SLC35F3: variants seen among roughly 807,000 people sequenced by gnomAD.
The protein encoded by SLC35F3 is solute carrier family 35 member F3.
SLC35F3 carries 25 observed loss-of-function variants against 49.9 expected under a neutral mutation model. The observed-to-expected ratio is 0.50, with a 90% CI of 0.37 to 0.70. The LOEUF (loss-of-function observed/expected upper bound fraction) is 0.70. Among genes scored for constraint, SLC35F3 ranks in the 30% least tolerant of loss-of-function variants. SLC35F3 has a pLI of 0.00. For missense variants in SLC35F3, 525 were observed against 639.8 expected, an observed-to-expected ratio of 0.82 and a Z score of 1.94; for synonymous variants, 275 against 265.4, an observed-to-expected ratio of 1.04 and a Z score of -0.35.
chr1:234,178,551 G>A (rs959422622), intron 2 of SLC35F3, among the ~76,000 whole-genome samples: 4 of 151,466 alleles, frequency 2.6e-5, no homozygotes, highest in South Asian at 2.1e-4. Context: ...TCCCATACCC[G>A]CACAGCCTGC....
chr1:233,919,623 A>G (rs1318676113), intron 2 of SLC35F3, among the ~76,000 whole-genome samples: 1 of 152,058 alleles, frequency 6.6e-6, no homozygotes, highest in African/African-American at 2.4e-5. Context: ...TTTTTAAAGG[A>G]CTCATTGGCC....
At chr1:234,188,624 T>C (rs1666683179) in intron 2 of SLC35F3, among the ~76,000 whole-genome samples, 1 of 152,098 alleles carries the variant, frequency 6.6e-6, no homozygotes, top group Non-Finnish European at 1.5e-5. Flanking sequence ...CCCTGGTAGC[T>C]GAAAACAAAG....
intron 2 of SLC35F3, among the ~76,000 whole-genome samples, chr1:233,938,199 G>A (rs1303023621): frequency 6.6e-6 from 1 of 152,182 alleles, no homozygotes; most frequent in Admixed American, 6.5e-5. Context: ...AAGTGGGCAT[G>A]ATGTGGGGGC....
chr1:234,022,610 G>A (rs184413727), intron 2 of SLC35F3, among the ~76,000 whole-genome samples: 52 of 152,266 alleles, frequency 3.4e-4, no homozygotes, highest in Non-Finnish European at 5.7e-4. Context: ...ACTGGTGTTT[G>A]ACCAAACAAC....
intron 3 of SLC35F3, among the ~76,000 whole-genome samples, chr1:234,278,515 A>G (rs551979459): frequency 1.3e-5 from 2 of 151,890 alleles, no homozygotes; most frequent in African/African-American, 4.8e-5. Context: ...ACGAAAAAAA[A>G]AGAGAAAAAA....
intron 2 of SLC35F3, among the ~76,000 whole-genome samples, chr1:233,940,145 T>C (rs894992102): frequency 6.6e-6 from 1 of 152,148 alleles, no homozygotes; most frequent in African/African-American, 2.4e-5. Context: ...CTGCACTTTG[T>C]TCTGCGGTTT....
chr1:234,195,569 T>A lies in SLC35F3; in HGVS notation c.284-35848T>A, dbSNP rs375341681. 3.3e-5 allele frequency among the ~76,000 whole-genome samples: 5 copies of A among 152,302 alleles called. No homozygotes were observed. In the South Asian group the frequency reaches 1.0e-3, roughly 32 times the overall value. Reference sequence around the variant, plus strand: ...GACTGGAAGGCCCTTCTCCCCACTCTTTAAAAGATTAGCTTATCTTCCTTT... The same window carrying A: ...GACTGGAAGGCCCTTCTCCCCACTCATTAAAAGATTAGCTTATCTTCCTTT... On this transcript the variant is annotated intron_variant, in intron 2 of 7. Coordinates refer to ENST00000366618, the MANE Select transcript of SLC35F3 (RefSeq NM_173508.4).
At chr1:234,154,615 C>G (rs1207912232) in intron 2 of SLC35F3, among the ~76,000 whole-genome samples, 1 of 152,168 alleles carries the variant, frequency 6.6e-6, no homozygotes, top group East Asian at 1.9e-4. Flanking sequence ...AATTTGATGT[C>G]TGGCATTCTC....
chr1:234,224,052 TTTTGTTTGTTTG>T (rs57014018), intron 2 of SLC35F3, among the ~76,000 whole-genome samples: 1 of 150,280 alleles, frequency 6.7e-6, no homozygotes, highest in Non-Finnish European at 1.5e-5. Context: ...TTTTTCGGTT[TTTTGTTTGTTTG>T]TTTGTTTGTT....
intron 2 of SLC35F3, among the ~76,000 whole-genome samples, chr1:234,149,182 CCT>C (rs2102907626): frequency 6.6e-6 from 1 of 152,182 alleles, no homozygotes; most frequent in African/African-American, 2.4e-5. Flanking sequence ...CACAGGGTTC[CCT>C]CTCTGCTGTT....
chr1:234,227,559 C>T (rs1036237154), intron 2 of SLC35F3, among the ~76,000 whole-genome samples: 5 of 151,950 alleles, frequency 3.3e-5, no homozygotes, highest in Non-Finnish European at 5.9e-5. Context: ...CCACCACGCC[C>T]GGCTAATTTT....
At chr1:234,058,330 T>TA (rs1664486981) in intron 2 of SLC35F3, among the ~76,000 whole-genome samples, 1 of 118,956 alleles carries the variant, frequency 8.4e-6, no homozygotes, top group South Asian at 2.9e-4. Context: ...GTTCCTGAAT[T>TA]TTTTTTTTTT....
At chr1:234,187,840 G>A (rs373092025) in intron 2 of SLC35F3, among the ~76,000 whole-genome samples, 1 of 152,190 alleles carries the variant, frequency 6.6e-6, no homozygotes, top group African/African-American at 2.4e-5. Context: ...AAGACTACAG[G>A]GAGAAGGAAA....
At chr1:234,269,297 A>T (rs1339630068) in intron 3 of SLC35F3, among the ~76,000 whole-genome samples, 4 of 152,198 alleles carry the variant, frequency 2.6e-5, no homozygotes, top group African/African-American at 9.7e-5. Context: ...TTATCAAACC[A>T]TGATTACTGA....
intron 2 of SLC35F3, among the ~76,000 whole-genome samples, chr1:234,141,726 C>T (rs1026793611): frequency 2.0e-5 from 3 of 152,174 alleles, no homozygotes; most frequent in African/African-American, 4.8e-5. Flanking sequence ...TTCTGCCCAT[C>T]GGACCACTTG....
At chr1:234,051,724 CA>C (rs1397569943) in intron 2 of SLC35F3, among the ~76,000 whole-genome samples, 1 of 152,134 alleles carries the variant, frequency 6.6e-6, no homozygotes, top group Non-Finnish European at 1.5e-5. Flanking sequence ...TGCCAGTTTT[CA>C]AAGGGAATGC....
chr1:234,066,511 A>T (rs1664619770), intron 2 of SLC35F3, among the ~76,000 whole-genome samples: 1 of 152,064 alleles, frequency 6.6e-6, no homozygotes, highest in Non-Finnish European at 1.5e-5. Flanking sequence ...CAATCCATGG[A>T]GGTAGGAATG....
chr1:234,212,906 C>G (rs143530634), intron 2 of SLC35F3: 3 of 152,124 alleles, frequency 2.0e-5, no homozygotes, highest in Non-Finnish European at 4.4e-5. Flanking sequence ...CTGTAAGAGG[C>G]GTATAATGTG....
intron 2 of SLC35F3, among the ~76,000 whole-genome samples, chr1:234,071,708 A>G (rs1265970687): frequency 1.3e-5 from 2 of 152,256 alleles, no homozygotes; most frequent in Non-Finnish European, 2.9e-5. Flanking sequence ...AGAAAGCAGC[A>G]GAATGCTTCA....
Sources: allele counts gnomAD v4.1 joint callset (sites outside exome capture counted in the v4.1 genomes callset), GRCh38; gene constraint gnomAD v4.1.1; transcripts MANE v1.5; gene names NCBI Gene and HGNC (gene_info 2026-07-23, HGNC 2026-07-21).